The following NCOA2 variants were observed in gnomAD, a reference collection of about 807,000 sequenced individuals.
NCOA2 encodes the protein class E basic helix-loop-helix protein 75.
NCOA2 carries 21 observed loss-of-function variants against 145.1 expected under a neutral mutation model. That is an observed-to-expected ratio of 0.14 (90% CI 0.10 to 0.21). The LOEUF (loss-of-function observed/expected upper bound fraction) is 0.21, where lower values mean the gene tolerates loss of function less well. Ranked by LOEUF, NCOA2 falls within the 10% of genes least tolerant of loss-of-function variation. The pLI is 1.00. For synonymous variants in NCOA2, 619 were observed against 637.5 expected (o/e 0.97, Z 0.44); for missense variants, 1,472 against 1,837.6 (o/e 0.80, Z 3.64).
chr8:70,226,036 T>C, intron 2 of NCOA2, among the ~76,000 whole-genome samples: 1 of 152,076 alleles, frequency 6.6e-6, no homozygotes, highest in East Asian at 1.9e-4. Context: ...TAATAGACTA[T>C]AAATGTTTAT....
chr8:70,128,749 G>T lies in NCOA2; in HGVS notation c.3556C>A (p.Pro1186Thr). ...TGAAGTTGAAGTCTTAGTTGATTTG[G>T]CTGGTTCTGCACTAGGCCCGTGGGC... is the stretch of plus-strand genomic sequence containing the variant. ...LRPTGLVQNQ[P>T]NQLRLQLQHR... is the part of the protein sequence containing the mutation. Residue 1186 changes from proline (P) to threonine (T), a missense_variant, in exon 17 of 23, where the codon CCA becomes ACA. Pro to Thr is a conservative substitution (Grantham distance 38). Around this residue, in one of 4 missense-constraint regions of NCOA2, gnomAD observed 953 missense variants for 1,062.1 expected, o/e 0.90. Coordinates refer to ENST00000452400, the MANE Select transcript of NCOA2 (RefSeq NM_006540.4). 1 of 1,613,974 alleles carries T rather than the reference G, an allele frequency of 6.2e-7. No homozygotes were observed. The highest frequency in any genetic ancestry group is 8.5e-7 in the Non-Finnish European group (1 of 1,179,894).
chr8:70,442,591 C>T, the NCOA2 span, among the ~76,000 whole-genome samples: 3 of 152,158 alleles, frequency 2.0e-5, no homozygotes, highest in South Asian at 2.1e-4. Context: ...AAATAGCACA[C>T]GCCTAATTGT....
the NCOA2 span, among the ~76,000 whole-genome samples, chr8:70,421,057 A>G: frequency 6.6e-6 from 1 of 152,202 alleles, no homozygotes; most frequent in Non-Finnish European, 1.5e-5. Flanking sequence ...AAATTTTAAA[A>G]TGAGGTCAGA....
In NCOA2 at chr8:70,131,878, C is replaced by T; in HGVS notation, c.3283G>A (p.Glu1095Lys). ...GGTATTCCTAAGGCTCTATCAATCT[C>T]CTCCAGGCCATCAAAATTCCGCAAG... ...LALRNFDGLE[E>K]IDRALGIPEL... The change falls in exon 16 of 23, where the codon GAG (glutamate) becomes AAG (lysine). Residue 1095 changes from glutamate (E) to lysine (K), a missense_variant. Glu to Lys is a moderately conservative substitution (Grantham distance 56). Transcript: ENST00000452400. 6.2e-7 allele frequency: 1 copy of T among 1,601,510 alleles called. No homozygotes were observed. The highest frequency in any genetic ancestry group is 8.5e-7 in the Non-Finnish European group (1 of 1,174,396).
chr8:70,222,294 T>G (rs1820209850), intron 2 of NCOA2, among the ~76,000 whole-genome samples: 1 of 152,174 alleles, frequency 6.6e-6, no homozygotes, highest in Non-Finnish European at 1.5e-5. Context: ...ATTATTAGGA[T>G]ATGATTTTTC....
intron 2 of NCOA2, among the ~76,000 whole-genome samples, chr8:70,253,812 CAG>C (rs1338042365): frequency 7.2e-5 from 11 of 152,106 alleles, no homozygotes; most frequent in Admixed American, 3.3e-4. Flanking sequence ...GAAGAAAACA[CAG>C]GGGAAAAACT....
At chr8:70,378,567 C>T (rs1234392197) in intron 1 of NCOA2, among the ~76,000 whole-genome samples, 2 of 151,862 alleles carry the variant, frequency 1.3e-5, no homozygotes, top group Non-Finnish European at 2.9e-5. Context: ...TCTAGCAACT[C>T]CAAATATAGT....
At chr8:70,249,977 A>AAAGAAGAAGAAG (rs1554606850) in intron 2 of NCOA2, among the ~76,000 whole-genome samples, 1 of 137,918 alleles carries the variant, frequency 7.3e-6, no homozygotes, top group African/African-American at 2.8e-5. Flanking sequence ...AAAAAAAAAA[A>AAAGAAGAAGAAG]AAGAAGAAGA....
intron 4 of NCOA2, among the ~76,000 whole-genome samples, chr8:70,180,519 G>GT (rs1227139212): frequency 7.2e-5 from 11 of 152,226 alleles, no homozygotes; most frequent in Middle Eastern, 3.4e-3. Context: ...TATTCCATAG[G>GT]TTTTTTTATA....
At chr8:70,358,450 A>G (rs886712305) in intron 1 of NCOA2, among the ~76,000 whole-genome samples, 17 of 152,236 alleles carry the variant, frequency 1.1e-4, no homozygotes, top group Admixed American at 3.9e-4. Context: ...AGAGTCCAGA[A>G]ATACATTATC....
At chr8:70,334,657 G>A (rs925084106) in intron 1 of NCOA2, among the ~76,000 whole-genome samples, 7 of 152,162 alleles carry the variant, frequency 4.6e-5, no homozygotes, top group South Asian at 2.1e-4. Flanking sequence ...AACTCACAGC[G>A]CAGAGCATTC....
At chr8:70,365,024 G>A (rs565521191) in intron 1 of NCOA2, among the ~76,000 whole-genome samples, 1 of 152,238 alleles carries the variant, frequency 6.6e-6, no homozygotes, top group Admixed American at 6.5e-5. Flanking sequence ...GAATTCTTAT[G>A]AAGTGCCAAC....
the NCOA2 span, among the ~76,000 whole-genome samples, chr8:70,443,414 T>C: frequency 6.6e-6 from 1 of 152,152 alleles, no homozygotes; most frequent in South Asian, 2.1e-4. Flanking sequence ...TATTTATTAT[T>C]ATGCCTATAA....
chr8:70,152,783 T>C (rs1811886262), intron 11 of NCOA2, among the ~76,000 whole-genome samples: 1 of 152,248 alleles, frequency 6.6e-6, no homozygotes, highest in Admixed American at 6.5e-5. Context: ...AAGTACTTCC[T>C]GTCATTAATA....
intron 4 of NCOA2, among the ~76,000 whole-genome samples, chr8:70,183,177 A>G (rs192934074): frequency 6.6e-6 from 1 of 152,234 alleles, no homozygotes; most frequent in South Asian, 2.1e-4. Flanking sequence ...ATTTGCTTAG[A>G]AAGTTGAAAG....
At chr8:70,136,085 G>T (rs1361664050) in intron 15 of NCOA2, among the ~76,000 whole-genome samples, 5 of 152,152 alleles carry the variant, frequency 3.3e-5, no homozygotes, top group African/African-American at 1.2e-4. Flanking sequence ...TTAAAATTGT[G>T]AACTTAGGCT....
chr8:70,226,195 T>C (rs1160546080), intron 2 of NCOA2, among the ~76,000 whole-genome samples: 1 of 152,204 alleles, frequency 6.6e-6, no homozygotes, highest in Non-Finnish European at 1.5e-5. Context: ...ATTTAATTTT[T>C]GTATTTTCCA....
intron 1 of NCOA2, 60 bp from the exon 2 acceptor site, chr8:70,296,860 G>A (rs1041606911): frequency 6.6e-6 from 1 of 152,180 alleles, no homozygotes. Flanking sequence ...AGATTCCTTA[G>A]AGCAGATGTG....
At chr8:70,390,006 G>A (rs762932473) in intron 1 of NCOA2, among the ~76,000 whole-genome samples, 5 of 152,116 alleles carry the variant, frequency 3.3e-5, no homozygotes, top group Admixed American at 2.0e-4. Context: ...ATAAAAATCC[G>A]AGTCACATAT....
Sources: allele counts gnomAD v4.1 joint callset (sites outside exome capture counted in the v4.1 genomes callset), GRCh38; gene constraint gnomAD v4.1.1; regional missense constraint gnomAD v4.1.1; transcripts MANE v1.5; gene names NCBI Gene and HGNC (gene_info 2026-07-23, HGNC 2026-07-21).